The following PRKAG2 variants were observed in gnomAD, a reference collection of about 807,000 sequenced individuals.
PRKAG2 encodes the protein protein kinase AMP-activated non-catalytic subunit gamma 2, also known as 5'-AMP-activated protein kinase subunit gamma-2.
Under a neutral mutation model 69.6 loss-of-function variants are expected in PRKAG2, and 26 were observed. The observed-to-expected ratio is 0.37, with a 90% CI of 0.27 to 0.52. PRKAG2 has a LOEUF of 0.52. Among genes scored for constraint, PRKAG2 ranks in the 20% least tolerant of loss-of-function variants. PRKAG2 has a pLI of 0.90. For missense variants in PRKAG2, 557 were observed against 740.0 expected, an observed-to-expected ratio of 0.75 and a Z score of 2.87; for synonymous variants, 293 against 285.0, an observed-to-expected ratio of 1.03 and a Z score of -0.28.
intron 3 of PRKAG2, among the ~76,000 whole-genome samples, chr7:151,730,790 GC>G (rs1183089519): frequency 8.5e-5 from 13 of 152,214 alleles, no homozygotes; most frequent in African/African-American, 3.1e-4. Flanking sequence ...GAGAGCCATG[GC>G]ACGCAGTATT....
rs527900735 is a variant in PRKAG2 at position 151,874,339 on chromosome 7, T to C, written c.114+2168A>G. Among the ~76,000 whole-genome samples the C allele has an allele frequency of 5.5e-5, 6 of 108,138 alleles. 1 individual carries two copies. The South Asian group carries it at 1.7e-3, about 30-fold the overall frequency. The allele number at this position is 108,138 out of a possible 152,430, so 70.9% of individuals were successfully genotyped here. A position where few individuals can be genotyped will look rare whatever the true frequency, so the allele number is the denominator to read the frequency against. On this transcript the variant is annotated intron_variant, in intron 1 of 15. Transcript: ENST00000287878. ...ATATGATGTATATGTATATGATGTATATGTATATGTATATGATGTATATGT... is the reference window on the plus strand; with the variant it reads ...ATATGATGTATATGTATATGATGTACATGTATATGTATATGATGTATATGT...
chr7:151,655,473 G>A (rs1446676235), intron 4 of PRKAG2, among the ~76,000 whole-genome samples: 1 of 152,156 alleles, frequency 6.6e-6, no homozygotes. Flanking sequence ...CTAAAACTCA[G>A]TTTCCAAGGG....
At chr7:151,582,893 G>A (rs1226203900) in intron 6 of PRKAG2, among the ~76,000 whole-genome samples, 19 of 152,240 alleles carry the variant, frequency 1.2e-4, no homozygotes, top group Admixed American at 1.1e-3. Context: ...CCTCACAGGT[G>A]TAGGGTGTGG....
intron 1 of PRKAG2, among the ~76,000 whole-genome samples, chr7:151,844,072 A>C (rs1187834074): frequency 6.6e-6 from 1 of 152,246 alleles, no homozygotes; most frequent in African/African-American, 2.4e-5. Flanking sequence ...GAGATGGAGA[A>C]GAAGGCATGA....
chr7:151,830,785 G>C (rs1478478319), intron 1 of PRKAG2, among the ~76,000 whole-genome samples: 1 of 115,524 alleles, frequency 8.7e-6, no homozygotes, highest in Non-Finnish European at 2.0e-5. Flanking sequence ...ATGGGGGCGG[G>C]GCGGGGGGGG....
intron 3 of PRKAG2, among the ~76,000 whole-genome samples, chr7:151,723,856 A>G (rs1411875697): frequency 2.6e-5 from 4 of 152,172 alleles, no homozygotes; most frequent in African/African-American, 9.7e-5. Flanking sequence ...AACTCCGTTC[A>G]GCATGGGCCA....
rs548413958 is a variant in PRKAG2, at chr7:151,828,547, C to A, written c.115-42006G>T. ...AAATTTTCATAGTCTTAGAAGCCTA[C>A]AAACTGACCGTGGCTTTGTCTCATC... is the stretch of plus-strand genomic sequence containing the variant. On this transcript the variant is annotated intron_variant, in intron 1 of 15. Coordinates refer to ENST00000287878, the MANE Select transcript of PRKAG2 (RefSeq NM_016203.4). The surrounding 1 kb of genome is among the most constrained non-coding windows in gnomAD (Gnocchi z 4.6). Among the ~76,000 whole-genome samples, 63 of 152,290 alleles carry A rather than the reference C, an allele frequency of 4.1e-4. No homozygotes were observed. The highest frequency in any genetic ancestry group is 1.4e-3 in the African/African-American group (60 of 41,570).
intron 3 of PRKAG2, among the ~76,000 whole-genome samples, chr7:151,717,294 C>G (rs1796344485): frequency 6.6e-6 from 1 of 150,926 alleles, no homozygotes; most frequent in Non-Finnish European, 1.5e-5. Context: ...CTTCATAAAG[C>G]TGTAAAATCG....
At chr7:151,634,362 A>C (rs1825373300) in intron 4 of PRKAG2, among the ~76,000 whole-genome samples, 1 of 152,204 alleles carries the variant, frequency 6.6e-6, no homozygotes. Flanking sequence ...TAAAACTATG[A>C]AACTTTTTGG....
intron 3 of PRKAG2, among the ~76,000 whole-genome samples, chr7:151,723,254 A>G (rs1450937593): frequency 1.3e-5 from 2 of 152,088 alleles, no homozygotes; most frequent in African/African-American, 4.8e-5. Context: ...AATAGTATAC[A>G]TTTTTGGTAG....
At position 151,632,356 on chromosome 7, in the gene PRKAG2, C is replaced by A. The variant is rs1824826583; in HGVS notation, c.685-218G>T. 7.6e-6 allele frequency: 4 copies of A among 524,820 alleles called. No homozygotes were observed. Among genetic ancestry groups the A allele is most frequent in the South Asian group, 8.1e-5 (1 of 12,282 alleles). 32.5% of individuals were successfully genotyped at this position (524,820 alleles called of 1,614,324 possible). On this transcript the variant is annotated intron_variant, in intron 4 of 15. Coordinates refer to ENST00000287878, the MANE Select transcript of PRKAG2 (RefSeq NM_016203.4). This position sits in a 1 kb window ranked among gnomAD's most constrained non-coding sequence, Gnocchi z 4.2. The stretch of plus-strand genomic sequence containing the variant: ...GCCGCCGCAGGTGGCGCGGCCGCGG[C>A]CCGCGTGCCCCTCCGCGAGTGGGAC...
At chr7:151,832,229 A>G (rs560233358) in intron 1 of PRKAG2, among the ~76,000 whole-genome samples, 3,845 of 45,674 alleles carry the variant, frequency 0.084, 212 homozygotes, top group African/African-American at 0.23. Context: ...GGGAGGAGGG[A>G]AGGAGAGGAG....
chr7:151,876,803 C>G lies in PRKAG2; in HGVS notation c.-183G>C. Reference sequence around the variant, plus strand: ...CGCGCGGCCGCCGCCGCCGCCGAAGCGCCGAATTCAAGCGTCCTTTCCTAC... The same window carrying G: ...CGCGCGGCCGCCGCCGCCGCCGAAGGGCCGAATTCAAGCGTCCTTTCCTAC... On this transcript the variant is annotated 5_prime_UTR_variant, in exon 1 of 16. Coordinates refer to ENST00000287878, the MANE Select transcript of PRKAG2 (RefSeq NM_016203.4). 1.5e-6 allele frequency: 1 copy of G among 665,468 alleles called. No homozygotes were observed. Among genetic ancestry groups the G allele is most frequent in the South Asian group, 1.6e-5 (1 of 60,752 alleles). 41.2% of individuals were successfully genotyped at this position (665,468 alleles called of 1,614,324 possible).
Position 151,583,534 on chromosome 7 carries a change from C to T in PRKAG2, c.865-7082G>A, listed in dbSNP as rs1810961795. ...CTAAAACTTGGCTTTCTTAAGAACA[C>T]GTGCATGGAGCTGTTTATAAAGCAA... is the stretch of plus-strand genomic sequence containing the variant. On this transcript the variant is annotated intron_variant, in intron 6 of 15. Transcript: ENST00000287878. The surrounding 1 kb of genome is among the most constrained non-coding windows in gnomAD (Gnocchi z 4.1). 2.0e-5 allele frequency among the ~76,000 whole-genome samples: 3 copies of T among 152,156 alleles called. No homozygotes were observed. Among genetic ancestry groups the T allele is most frequent in the African/African-American group, 7.2e-5 (3 of 41,440 alleles).
At position 151,632,531 on chromosome 7, in the gene PRKAG2, C is replaced by A. The variant is rs985665494; in HGVS notation, c.685-393G>T. ...CCCGCCGTGCCGCCATTGGGAGAGG[C>A]CCGCGGCCCGCCCCCACTCCGCCCC... On this transcript the variant is annotated intron_variant, in intron 4 of 15. Transcript: ENST00000287878. This position sits in a 1 kb window ranked among gnomAD's most constrained non-coding sequence, Gnocchi z 4.2. The A allele has an allele frequency of 6.2e-6, 6 of 973,238 alleles. No homozygotes were observed. In the African/African-American group the frequency reaches 8.8e-5, roughly 14 times the overall value. 60.3% of individuals were successfully genotyped at this position (973,238 alleles called of 1,614,324 possible). A position where few individuals can be genotyped will look rare whatever the true frequency, so the allele number is the denominator to read the frequency against.
chr7:151,876,418 G>T, intron 1 of PRKAG2, 89 bp downstream of exon 1: 1 of 1,303,144 alleles, frequency 7.7e-7, no homozygotes, highest in Non-Finnish European at 1.1e-6. Flanking sequence ...CGCACGGCGC[G>T]CGCGGGGCGT....
At chr7:151,731,953 T>G (rs1333074300) in intron 3 of PRKAG2, among the ~76,000 whole-genome samples, 2 of 152,018 alleles carry the variant, frequency 1.3e-5, no homozygotes, top group Non-Finnish European at 2.9e-5. Context: ...TCCTCCCACC[T>G]TAGCCTCCCC....
chr7:151,693,846 C>A (rs566009425), intron 3 of PRKAG2, among the ~76,000 whole-genome samples: 2 of 152,316 alleles, frequency 1.3e-5, no homozygotes, highest in South Asian at 4.1e-4. Flanking sequence ...TGGACTCTAG[C>A]CTCCAGAACT....
chr7:151,572,598 C>A, intron 9 of PRKAG2, 66 bp downstream of exon 9: 2 of 1,172,726 alleles, frequency 1.7e-6, no homozygotes, highest in South Asian at 1.3e-5. Context: ...AAAATGAAAA[C>A]ATACTTTTCA....
Sources: gnomAD v4.1 joint callset for allele counts (sites outside exome capture counted in the v4.1 genomes callset) on GRCh38, gnomAD v4.1.1 for gene constraint, Gnocchi (gnomAD v3.1) non-coding constraint, MANE v1.5 for transcripts, NCBI Gene and HGNC (gene_info 2026-07-23, HGNC 2026-07-21) for gene names.